The following FKBP7 variants were observed in gnomAD, a reference collection of about 807,000 sequenced individuals.
FKBP7 encodes the protein peptidyl-prolyl cis-trans isomerase FKBP7.
In FKBP7, 24 loss-of-function variants were observed where a neutral mutation model predicts 24.3. The observed-to-expected ratio is 0.99, with a 90% CI of 0.72 to 1.39. The LOEUF (loss-of-function observed/expected upper bound fraction) is 1.39. Among genes scored for constraint, FKBP7 ranks in the 40% most tolerant of loss-of-function variants. FKBP7 has a pLI of 0.00. For synonymous variants in FKBP7, 98 were observed against 92.8 expected, an observed-to-expected ratio of 1.06 and a Z score of -0.32; for missense variants, 257 against 269.5, an observed-to-expected ratio of 0.95 and a Z score of 0.33.
At chr2:178,469,963 T>G (rs1466089418) in intron 2 of FKBP7, among the ~76,000 whole-genome samples, 178 bp from the exon 3 acceptor site, 5 of 151,968 alleles carry the variant, frequency 3.3e-5, no homozygotes, top group Admixed American at 3.3e-4. Flanking sequence ...AATAGTTTTC[T>G]TTTTTGTTTT....
chr2:178,473,035 T>A, intron 2 of FKBP7: 1 of 1,279,520 alleles, frequency 7.8e-7, no homozygotes, highest in Non-Finnish European at 1.0e-6. Context: ...ATACCGCATG[T>A]ATTGTTATTT....
intron 2 of FKBP7, chr2:178,473,216 G>A: frequency 3.3e-6 from 2 of 610,392 alleles, no homozygotes; most frequent in East Asian, 1.3e-4. Context: ...TCAAGAGGTT[G>A]TTTGTTAAAC....
chr2:178,474,657 T>C (rs1348562142), intron 2 of FKBP7, among the ~76,000 whole-genome samples: 4 of 152,104 alleles, frequency 2.6e-5, no homozygotes, highest in Non-Finnish European at 5.9e-5. Flanking sequence ...GCACTGATGC[T>C]CAATATATAT....
rs777902307 is a variant in FKBP7, at chr2:178,477,143, T to C, written c.292A>G (p.Ile98Val). 7.4e-6 allele frequency: 12 copies of C among 1,613,198 alleles called. No homozygotes were observed. Among genetic ancestry groups the C allele is most frequent in the Non-Finnish European group, 1.0e-5 (12 of 1,179,560 alleles). ...GVGQVIKGLD[I>V]AMTDMCPGEK... ...CCAGGGCACATATCTGTCATAGCAA[T>C]GTCTAGGCCTTTTATGACTTGCCCA... The change falls in exon 2 of 4, where the codon ATT becomes GTT. Residue 98 changes from isoleucine (I) to valine (V), a missense_variant. Transcript: ENST00000424785.
At chr2:178,474,100 T>G (rs1684933304) in intron 2 of FKBP7, among the ~76,000 whole-genome samples, 1 of 152,196 alleles carries the variant, frequency 6.6e-6, no homozygotes. Flanking sequence ...CTAAGACAAC[T>G]GCCTCAAAGA....
chr2:178,470,842 T>A (rs1684828879), intron 2 of FKBP7, among the ~76,000 whole-genome samples: 1 of 152,178 alleles, frequency 6.6e-6, no homozygotes, highest in Admixed American at 6.5e-5. Context: ...AGAAATTGTA[T>A]ACATTTTTAA....
rs1684587856 is a variant in FKBP7 at position 178,463,920 on chromosome 2, G to A, written c.*1850C>T. ...GAGTTACTTAGTTTACTTCAACGGA[G>A]CAGGTTTTTTTGAGGGAAGGCGATG... On this transcript the variant is annotated 3_prime_UTR_variant, in exon 4 of 4. Transcript: ENST00000424785. 6.6e-6 allele frequency: 1 copy of A among 152,170 alleles called. No individual in the cohort carries two copies. The highest frequency in any genetic ancestry group is 1.5e-5 in the Non-Finnish European group (1 of 68,022). 9.4% of individuals were successfully genotyped at this position (152,170 alleles called of 1,614,324 possible).
At chr2:178,473,117 A>G (rs1684900786) in intron 2 of FKBP7, 1 of 1,304,094 alleles carries the variant, frequency 7.7e-7, no homozygotes, top group African/African-American at 1.5e-5. Context: ...GATATTTTGC[A>G]GAAGAAAGAC....
chr2:178,470,954 T>A (rs1235738299), intron 2 of FKBP7, among the ~76,000 whole-genome samples: 1 of 152,202 alleles, frequency 6.6e-6, no homozygotes, highest in Non-Finnish European at 1.5e-5. Context: ...CTCCGCTTAC[T>A]GCAGCCTCTG....
In FKBP7 at chr2:178,478,580, G is replaced by T. The variant is rs1301403616; in HGVS notation, c.-81C>A. On this transcript the variant is annotated 5_prime_UTR_variant, in exon 1 of 4. Transcript: ENST00000424785. ...TCCCGCGGCCGAGTTCCGACGCGTG[G>T]CAGGCGTTGTCCTGCGTCACAAAGG... 6.3e-7 allele frequency: 1 copy of T among 1,581,178 alleles called. No individual in the cohort carries two copies. Among genetic ancestry groups the T allele is most frequent in the Non-Finnish European group, 8.6e-7 (1 of 1,167,538 alleles).
At chr2:178,469,324 C>T (rs1369146841) in intron 3 of FKBP7, among the ~76,000 whole-genome samples, 2 of 152,258 alleles carry the variant, frequency 1.3e-5, no homozygotes, top group East Asian at 3.9e-4. Context: ...AATTATTTGC[C>T]CTGTTGCAAA....
intron 2 of FKBP7, among the ~76,000 whole-genome samples, 181 bp downstream of exon 2, chr2:178,476,881 C>G (rs375860635): frequency 2.7e-4 from 41 of 152,070 alleles, no homozygotes; most frequent in Non-Finnish European, 5.7e-4. Context: ...ATCCATTTCT[C>G]TATGTATGGA....
intron 2 of FKBP7, among the ~76,000 whole-genome samples, chr2:178,475,329 G>T (rs1408340203): frequency 6.6e-6 from 1 of 151,786 alleles, no homozygotes; most frequent in Non-Finnish European, 1.5e-5. Flanking sequence ...TCCCAGGTTC[G>T]AGCGATTCTC....
chr2:178,478,547 C>T lies in FKBP7; in HGVS notation c.-48G>A, dbSNP rs766160356. On this transcript the variant is annotated 5_prime_UTR_variant, in exon 1 of 4. Coordinates refer to ENST00000424785, the MANE Select transcript of FKBP7 (RefSeq NM_181342.3). ...TCCCTCCCGCGTGTCACTCGCGCCC[C>T]GTGGATGTCCCGCGGCCGAGTTCCG... 1.1e-5 allele frequency: 18 copies of T among 1,605,662 alleles called. No individual in the cohort carries two copies. Among genetic ancestry groups the T allele is most frequent in the Admixed American group, 1.7e-5 (1 of 59,160 alleles).
At chr2:178,474,682 A>C (rs1456060818) in intron 2 of FKBP7, among the ~76,000 whole-genome samples, 1 of 152,130 alleles carries the variant, frequency 6.6e-6, no homozygotes, top group East Asian at 1.9e-4. Context: ...AAAGTGGAAT[A>C]TAGTCTTGTC....
In FKBP7 at chr2:178,478,376, G is replaced by A. The variant is rs1353722415; in HGVS notation, c.124C>T (p.Arg42Cys). The change falls in exon 1 of 4, where the codon CGT (arginine) becomes TGT (cysteine). Residue 42 changes from arginine (R) to cysteine (C), a missense_variant. Arg to Cys is a radical substitution (Grantham distance 180). Coordinates refer to ENST00000424785, the MANE Select transcript of FKBP7 (RefSeq NM_181342.3). The part of the protein sequence containing the change: ...TEEVKIEVLH[R>C]PENCSKTSKK... ...CTTGTCTTAGAGCAGTTTTCTGGAC[G>A]ATGCAAAACTTCTATTTTCACTTCT... 4 of 1,614,062 alleles carry A rather than the reference G, an allele frequency of 2.5e-6. No homozygotes were observed. Among genetic ancestry groups the A allele is most frequent in the South Asian group, 2.2e-5 (2 of 91,092 alleles).
In FKBP7 at chr2:178,469,219, C is replaced by A. The variant is rs192177454; in HGVS notation, c.507+433G>T. 1.5e-3 allele frequency among the ~76,000 whole-genome samples: 221 copies of A among 152,266 alleles called. 5 individuals are homozygous for A. The South Asian group carries it at 0.022, about 15-fold the overall frequency. ...CTTTATTACAAGGCTGAGATACAGA[C>A]GCTAGCTGGCTGAACTTCTGGCTCC... On this transcript the variant is annotated intron_variant, in intron 3 of 3. Coordinates refer to ENST00000424785, the MANE Select transcript of FKBP7 (RefSeq NM_181342.3).
intron 3 of FKBP7, 81 bp from the exon 4 acceptor site, chr2:178,466,012 T>G (rs1251442252): frequency 6.8e-6 from 8 of 1,182,008 alleles, no homozygotes; most frequent in Non-Finnish European, 9.4e-6. Flanking sequence ...GTTATAATAA[T>G]GAAACTCATG....
intron 2 of FKBP7, among the ~76,000 whole-genome samples, chr2:178,474,697 T>G (rs1684953131): frequency 6.6e-6 from 1 of 151,410 alleles, no homozygotes; most frequent in Non-Finnish European, 1.5e-5. Flanking sequence ...CTTGTCCACT[T>G]TTTTTTTTGA....
Sources: allele counts gnomAD v4.1 joint callset (sites outside exome capture counted in the v4.1 genomes callset), GRCh38; gene constraint gnomAD v4.1.1; transcripts MANE v1.5; gene names NCBI Gene and HGNC (gene_info 2026-07-23, HGNC 2026-07-21).